Variants in NCAM2 observed in about 807,000 individuals in gnomAD.
NCAM2 encodes the protein neural cell adhesion molecule 2.
In NCAM2, 30 loss-of-function variants were observed where a neutral mutation model predicts 98.1. The observed-to-expected ratio is 0.31, with a 90% CI of 0.23 to 0.41. The LOEUF (loss-of-function observed/expected upper bound fraction) is 0.41. Among genes scored for constraint, NCAM2 ranks in the 10% least tolerant of loss-of-function variants. The pLI, the probability that NCAM2 is intolerant of heterozygous loss-of-function variation, is 1.00. For synonymous variants in NCAM2, 368 were observed against 342.4 expected, an observed-to-expected ratio of 1.07 and a Z score of -0.83; for missense variants, 867 against 1,005.8, an observed-to-expected ratio of 0.86 and a Z score of 1.87.
chr21:21,239,637 T>A (rs1372034597), intron 1 of NCAM2, among the ~76,000 whole-genome samples: 2 of 152,142 alleles, frequency 1.3e-5, no homozygotes, highest in Non-Finnish European at 2.9e-5. Flanking sequence ...GGCCATTCAG[T>A]AATAAATGTA....
At chr21:21,274,925 ATGT>A (rs2072666281) in intron 1 of NCAM2, among the ~76,000 whole-genome samples, 1 of 152,164 alleles carries the variant, frequency 6.6e-6, no homozygotes, top group Non-Finnish European at 1.5e-5. Flanking sequence ...CCACTGCTAA[ATGT>A]TGTATCAAAT....
At chr21:21,082,714 A>C (rs559137225) in intron 1 of NCAM2, among the ~76,000 whole-genome samples, 1 of 152,212 alleles carries the variant, frequency 6.6e-6, no homozygotes, top group East Asian at 1.9e-4. Context: ...TATTATGTTC[A>C]TCTTTATGTC....
At chr21:21,297,376 C>CT (rs2073525728) in intron 5 of NCAM2, among the ~76,000 whole-genome samples, 1 of 151,602 alleles carries the variant, frequency 6.6e-6, no homozygotes, top group Admixed American at 6.6e-5. Context: ...TTATATTAAA[C>CT]TTTTTATTGG....
At chr21:21,432,365 A>G in intron 12 of NCAM2, 84 bp downstream of exon 12, 1 of 1,239,566 alleles carries the variant, frequency 8.1e-7, no homozygotes, top group Non-Finnish European at 1.1e-6. Context: ...GGTTTCCTCC[A>G]ACATTTTCTT....
intron 14 of NCAM2, among the ~76,000 whole-genome samples, chr21:21,473,373 A>ATATATATATATAT (rs1984715057): frequency 7.1e-6 from 1 of 140,502 alleles, no homozygotes; most frequent in Non-Finnish European, 1.5e-5. Context: ...TATATGTATA[A>ATATATATATATAT]ATATATATAT....
At chr21:21,122,440 A>G (rs1248686836) in intron 1 of NCAM2, among the ~76,000 whole-genome samples, 2 of 152,230 alleles carry the variant, frequency 1.3e-5, no homozygotes, top group Non-Finnish European at 2.9e-5. Flanking sequence ...GTCTCATTAT[A>G]TTCATTGTGA....
intron 1 of NCAM2, among the ~76,000 whole-genome samples, chr21:21,117,160 A>G (rs2066579754): frequency 6.6e-6 from 1 of 152,212 alleles, no homozygotes; most frequent in East Asian, 1.9e-4. Context: ...TTGGATCCCC[A>G]CAACTTATTA....
chr21:21,179,744 A>C (rs1466128594), intron 1 of NCAM2, among the ~76,000 whole-genome samples: 1 of 152,204 alleles, frequency 6.6e-6, no homozygotes, highest in African/African-American at 2.4e-5. Context: ...AGTTTTTGCA[A>C]GTGCAGATGT....
chr21:21,056,240 C>T (rs541917233), intron 1 of NCAM2, among the ~76,000 whole-genome samples: 1 of 152,070 alleles, frequency 6.6e-6, no homozygotes, highest in Non-Finnish European at 1.5e-5. Context: ...TTAAACTTTC[C>T]AGTAGCTTTC....
intron 5 of NCAM2, among the ~76,000 whole-genome samples, chr21:21,303,002 G>A (rs73320663): frequency 0.03 from 4,602 of 152,164 alleles, 218 homozygotes; most frequent in African/African-American, 0.11. Context: ...TGCAAGAACT[G>A]AAAACCAATA....
chr21:21,202,025 A>G (rs2147030603), intron 1 of NCAM2, among the ~76,000 whole-genome samples: 1 of 152,266 alleles, frequency 6.6e-6, no homozygotes, highest in East Asian at 1.9e-4. Context: ...GTTTCTTGCA[A>G]GTCTCATGGA....
At chr21:21,390,144 C>G (rs2076351203) in intron 9 of NCAM2, among the ~76,000 whole-genome samples, 1 of 152,086 alleles carries the variant, frequency 6.6e-6, no homozygotes, top group Non-Finnish European at 1.5e-5. Flanking sequence ...CACCGCGCCA[C>G]CTGGCTATTA....
intron 1 of NCAM2, among the ~76,000 whole-genome samples, chr21:21,116,160 C>A (rs1266405682): frequency 6.6e-6 from 1 of 151,776 alleles, no homozygotes; most frequent in African/African-American, 2.4e-5. Context: ...GTTTAGGATC[C>A]ATTTATTATT....
intron 1 of NCAM2, among the ~76,000 whole-genome samples, chr21:21,112,728 T>C (rs144452182): frequency 6.6e-6 from 1 of 152,250 alleles, no homozygotes; most frequent in Non-Finnish European, 1.5e-5. Context: ...AAAAGAACAG[T>C]GCAGATCATA....
intron 1 of NCAM2, among the ~76,000 whole-genome samples, chr21:21,137,099 A>T (rs569142913): frequency 1.3e-5 from 2 of 151,954 alleles, no homozygotes; most frequent in Admixed American, 6.6e-5. Context: ...CCCACCTCAG[A>T]CTCCCAAAGT....
At chr21:21,043,883 A>AC (rs1189997256) in intron 1 of NCAM2, among the ~76,000 whole-genome samples, 1 of 151,620 alleles carries the variant, frequency 6.6e-6, no homozygotes, top group East Asian at 1.9e-4. Context: ...AAGAAAGTAG[A>AC]TATGTGAATC....
intron 1 of NCAM2, among the ~76,000 whole-genome samples, chr21:21,210,032 A>T (rs758225986): frequency 6.6e-6 from 1 of 152,172 alleles, no homozygotes; most frequent in African/African-American, 2.4e-5. Flanking sequence ...AAGAGCTCAT[A>T]CTCCATAATG....
rs146707902 is a variant in NCAM2, at chr21:21,204,420, T to A, written c.56-76158T>A. 7.3e-4 allele frequency among the ~76,000 whole-genome samples: 111 copies of A among 152,276 alleles called. 1 individual carries two copies. The East Asian group carries it at 0.021, about 29-fold the overall frequency. On this transcript the variant is annotated intron_variant, in intron 1 of 17. Coordinates refer to ENST00000400546, the MANE Select transcript of NCAM2 (RefSeq NM_004540.5). ...ACAGAACACACTATTTAACCTTGTG[T>A]TGCATAATGTTTTTAAATCAATTTG...
chr21:21,162,740 G>A (rs1365916503), intron 1 of NCAM2, among the ~76,000 whole-genome samples: 1 of 152,064 alleles, frequency 6.6e-6, no homozygotes, highest in African/African-American at 2.4e-5. Context: ...ATGTATCATG[G>A]TTCAGACAAA....
Sources: allele counts gnomAD v4.1 joint callset (sites outside exome capture counted in the v4.1 genomes callset), GRCh38; gene constraint gnomAD v4.1.1; transcripts MANE v1.5; gene names NCBI Gene and HGNC (gene_info 2026-07-23, HGNC 2026-07-21).